SNX32: variants seen among roughly 807,000 people sequenced by gnomAD.
SNX32 encodes the protein sorting nexin 32.
A neutral mutation model predicts 57.0 loss-of-function variants in SNX32; 58 were observed. The ratio of observed to expected loss-of-function variants is 1.02; its 90% confidence interval spans 0.82 to 1.27. The LOEUF (loss-of-function observed/expected upper bound fraction) is 1.27, where lower values mean the gene tolerates loss of function less well. SNX32 is among the 50% of genes most tolerant of loss of function. The pLI is 0.00. For missense variants in SNX32, 589 were observed against 541.2 expected, an observed-to-expected ratio of 1.09 and a Z score of -0.88; for synonymous variants, 262 against 220.4, an observed-to-expected ratio of 1.19 and a Z score of -1.67.
chr11:65,844,108 G>A (rs1192155017), intron 1 of SNX32, among the ~76,000 whole-genome samples: 1 of 152,006 alleles, frequency 6.6e-6, no homozygotes, highest in African/African-American at 2.4e-5. Flanking sequence ...CTATATATTC[G>A]ATGCAATCAC....
At chr11:65,839,293 G>C (rs1858768925) in intron 1 of SNX32, among the ~76,000 whole-genome samples, 1 of 115,180 alleles carries the variant, frequency 8.7e-6, no homozygotes, top group African/African-American at 3.4e-5. Flanking sequence ...GCAGTGGCGG[G>C]ATCTCGGCTC....
At chr11:65,852,331 C>T (rs904472147) in intron 9 of SNX32, 134 bp from the exon 10 acceptor site, 3 of 773,726 alleles carry the variant, frequency 3.9e-6, no homozygotes, top group Non-Finnish European at 4.5e-6. Context: ...CTGGCCTGCA[C>T]CCCTCAACAC....
chr11:65,852,498 C>G lies in SNX32; in HGVS notation c.859C>G (p.Leu287Val). 7 of 1,614,240 alleles carry G rather than the reference C, an allele frequency of 4.3e-6. No homozygotes were observed. Among genetic ancestry groups the G allele is most frequent in the Non-Finnish European group, 5.9e-6 (7 of 1,180,052 alleles). The change falls in exon 10 of 13, where the codon CTG becomes GTG. Residue 287 changes from leucine to valine, a missense_variant. Transcript: ENST00000308342. ...LEGRVASDED[L>V]KLSDMLRYYM... ...GGGCCGGGTGGCTTCCGATGAGGACCTGAAGCTGTCAGACATGCTGAGGTA... is the reference window on the plus strand; with the variant it reads ...GGGCCGGGTGGCTTCCGATGAGGACGTGAAGCTGTCAGACATGCTGAGGTA...
rs1432697943 is a variant in SNX32, at chr11:65,852,514, T to C, written c.875T>C (p.Met292Thr). ...ASDEDLKLSD[M>T]LRYYMRDSQA... Reference sequence around the variant, plus strand: ...GATGAGGACCTGAAGCTGTCAGACATGCTGAGGTACTACATGCGTGACTCA... The same window carrying C: ...GATGAGGACCTGAAGCTGTCAGACACGCTGAGGTACTACATGCGTGACTCA... Residue 292 changes from methionine (M) to threonine (T), a missense_variant, in exon 10 of 13, where the codon ATG (methionine) becomes ACG (threonine). Met to Thr is a moderately conservative substitution (Grantham distance 81). Coordinates refer to ENST00000308342, the MANE Select transcript of SNX32 (RefSeq NM_152760.3). 1 of 1,614,192 alleles carries C rather than the reference T, an allele frequency of 6.2e-7. No individual in the cohort carries two copies. Among genetic ancestry groups the C allele is most frequent in the Admixed American group, 1.7e-5 (1 of 60,024 alleles).
At chr11:65,839,885 G>A (rs183699132) in intron 1 of SNX32, among the ~76,000 whole-genome samples, 683 of 152,126 alleles carry the variant, frequency 4.5e-3, no homozygotes, top group African/African-American at 0.016. Context: ...AAGGCCGGGC[G>A]CGGTGGCTCA....
At chr11:65,835,055 A>G (rs1448597204) in intron 1 of SNX32, among the ~76,000 whole-genome samples, 2 of 120,750 alleles carry the variant, frequency 1.7e-5, no homozygotes, top group African/African-American at 3.3e-5. Context: ...GTGTGTTTCT[A>G]TGTGTGTCTG....
intron 1 of SNX32, among the ~76,000 whole-genome samples, chr11:65,845,899 C>T (rs959719172): frequency 1.3e-5 from 2 of 152,176 alleles, no homozygotes; most frequent in South Asian, 2.1e-4. Flanking sequence ...CACTCAACAA[C>T]GTAGAGAGCT....
At chr11:65,847,175 T>C (rs1859024709) in intron 1 of SNX32, among the ~76,000 whole-genome samples, 1 of 151,994 alleles carries the variant, frequency 6.6e-6, no homozygotes, top group African/African-American at 2.4e-5. Context: ...CCAGCTAATT[T>C]TTAAAGTTTT....
chr11:65,852,987 G>A, intron 12 of SNX32, 29 bp downstream of exon 12: 3 of 1,611,616 alleles, frequency 1.9e-6, no homozygotes, highest in Non-Finnish European at 2.5e-6. Context: ...CTGGGCCCTT[G>A]TGAAGCCTCC....
intron 2 of SNX32, 136 bp downstream of exon 2, chr11:65,849,718 G>A: frequency 1.2e-6 from 1 of 864,020 alleles, no homozygotes; most frequent in South Asian, 1.5e-5. Flanking sequence ...GCCCCTCCTG[G>A]AAAGTGAGCC....
intron 1 of SNX32, among the ~76,000 whole-genome samples, chr11:65,842,530 G>A (rs920430821): frequency 3.3e-5 from 5 of 152,112 alleles, no homozygotes; most frequent in African/African-American, 1.2e-4. Flanking sequence ...GCACACGCCT[G>A]TAATCCCAGC....
chr11:65,848,061 C>T (rs1859051208), intron 1 of SNX32, among the ~76,000 whole-genome samples: 1 of 152,136 alleles, frequency 6.6e-6, no homozygotes, highest in Non-Finnish European at 1.5e-5. Flanking sequence ...TGCAGATGGG[C>T]CACCATCAAG....
At position 65,851,361 on chromosome 11, in the gene SNX32, C is replaced by G. The variant is rs779385046; in HGVS notation, c.743C>G (p.Ala248Gly). The G allele has an allele frequency of 1.2e-6, 2 of 1,614,150 alleles. No individual in the cohort carries two copies. Among genetic ancestry groups the G allele is most frequent in the Non-Finnish European group, 1.7e-6 (2 of 1,180,002 alleles). The change falls in exon 8 of 13, where the codon GCG becomes GGG. Residue 248 changes from alanine (A) to glycine (G), a missense_variant. Physicochemically the swap from Ala to Gly is moderately conservative, Grantham distance 60. Transcript: ENST00000308342. ...GACGATTATATCCCTATCTCAGCTG[C>G]GCTGAGCAGTCTGGGAACACAGGAA... The part of the protein sequence containing the change: ...LADDYIPISA[A>G]LSSLGTQEVN...
In SNX32 at chr11:65,850,752, T is replaced by C. The variant is rs530071371; in HGVS notation, c.500T>C (p.Leu167Pro). The C allele has an allele frequency of 7.4e-6, 12 of 1,613,934 alleles. No individual in the cohort carries two copies. Among genetic ancestry groups the C allele is most frequent in the Non-Finnish European group, 1.0e-5 (12 of 1,179,886 alleles). Residue 167 changes from leucine to proline, a missense_variant and splice_region_variant, in exon 6 of 13, where the codon CTG (leucine) becomes CCG (proline). Transcript: ENST00000308342. The part of the protein sequence containing the change: ...FFVFLEYGQD[L>P]SVRGKNRKEL... ...TCATACCCTCCCTGTGTGCCTCAGC[T>C]GAGTGTCCGGGGGAAGAACAGGAAG... is the stretch of plus-strand genomic sequence containing the variant.
At position 65,849,541 on chromosome 11, in the gene SNX32, G is replaced by A; in HGVS notation, c.100G>A (p.Val34Met). 6.2e-7 allele frequency: 1 copy of A among 1,614,236 alleles called. No individual in the cohort carries two copies. Among genetic ancestry groups the A allele is most frequent in the Non-Finnish European group, 8.5e-7 (1 of 1,180,026 alleles). ...CTTACAGGTGGAGATTTCTGACGCA[G>A]TGAGTGAGCGGGACAAGGTGAAATT... The part of the protein sequence containing the change: ...SSLQVEISDA[V>M]SERDKVKFTV... Residue 34 changes from valine (V) to methionine (M), a missense_variant, in exon 2 of 13, where the codon GTG becomes ATG. Val to Met is a conservative substitution (Grantham distance 21, BLOSUM62 1). Transcript: ENST00000308342.
rs755185237 is a variant in SNX32, at chr11:65,839,223, G to GTTTTGTTTTTTTTTTT, written c.36+5123_36+5124insTTTGTTTTTTTTTTTT. On this transcript the variant is annotated intron_variant, in intron 1 of 12. Coordinates refer to ENST00000308342, the MANE Select transcript of SNX32 (RefSeq NM_152760.3). ...CCCACCACGCCCAGCTAATTTTTTT[G>GTTTTGTTTTTTTTTTT]TATTTTTTTTTTTTTTTTTTTTTTG... Among the ~76,000 whole-genome samples the GTTTTGTTTTTTTTTTT allele has an allele frequency of 1.3e-4, 3 of 23,066 alleles. No homozygotes were observed. In the South Asian group the frequency reaches 6.3e-3, roughly 48 times the overall value. The allele number at this position is 23,066 out of a possible 152,430, so 15.1% of individuals were successfully genotyped here.
intron 9 of SNX32, 84 bp downstream of exon 9, chr11:65,851,763 A>AT: frequency 6.7e-7 from 1 of 1,487,980 alleles, no homozygotes; most frequent in Non-Finnish European, 9.4e-7. Context: ...GAGCTCCAGG[A>AT]TCATCTTGGG....
chr11:65,851,418 C>CACCCCT lies in SNX32; in HGVS notation c.785+20_785+25dup. ...CAGCTAAGGACGTGAGGACTCCCCCCACCCCTACCCTCTCCCTGTGCCTGT... is the reference window on the plus strand; with the variant it reads ...CAGCTAAGGACGTGAGGACTCCCCCCACCCCTACCCCTACCCTCTCCCTGTGCCTGT... On this transcript the variant is annotated intron_variant, in intron 8 of 12. Transcript: ENST00000308342. 1 of 1,613,364 alleles carries CACCCCT rather than the reference C, an allele frequency of 6.2e-7. No homozygotes were observed. Among genetic ancestry groups the CACCCCT allele is most frequent in the Non-Finnish European group, 8.5e-7 (1 of 1,179,350 alleles).
rs1174827880 is a variant in SNX32, at chr11:65,839,215, ATTTTTTTGTAT to A, written c.36+5122_36+5132del. On this transcript the variant is annotated intron_variant, in intron 1 of 12. Transcript: ENST00000308342. ...AGCTGTGCCCCACCACGCCCAGCTA[ATTTTTTTGTAT>A]TTTTTTTTTTTTTTTTTTTTTGAGA... Among the ~76,000 whole-genome samples, 94 of 19,512 alleles carry A rather than the reference ATTTTTTTGTAT, an allele frequency of 4.8e-3. 8 individuals carry two copies. The highest frequency in any genetic ancestry group is 0.013 in the Admixed American group (17 of 1,298). 12.8% of individuals were successfully genotyped at this position (19,512 alleles called of 152,430 possible). A position where few individuals can be genotyped will look rare whatever the true frequency, so the allele number is the denominator to read the frequency against.
Sources: allele counts gnomAD v4.1 joint callset (sites outside exome capture counted in the v4.1 genomes callset), GRCh38; gene constraint gnomAD v4.1.1; transcripts MANE v1.5; gene names NCBI Gene and HGNC (gene_info 2026-07-23, HGNC 2026-07-21).